Variants in CELA3B observed in about 807,000 individuals in gnomAD.
CELA3B encodes the protein chymotrypsin like elastase 3B, also known as chymotrypsin-like elastase family member 3B.
CELA3B carries 34 observed loss-of-function variants against 37.2 expected under a neutral mutation model. That is an observed-to-expected ratio of 0.91 (90% CI 0.70 to 1.22). CELA3B has a LOEUF of 1.22. Ranked by LOEUF, CELA3B falls within the 50% of genes most tolerant of loss-of-function variation. CELA3B has a pLI of 0.00. For missense variants in CELA3B, 340 were observed against 363.1 expected (o/e 0.94, Z 0.52); for synonymous variants, 127 against 143.5 (o/e 0.89, Z 0.82).
chr1:21,983,166 A>G (rs1369666897), intron 4 of CELA3B, among the ~76,000 whole-genome samples: 1 of 152,136 alleles, frequency 6.6e-6, no homozygotes, highest in African/African-American at 2.4e-5. Flanking sequence ...CCTGGCCAAC[A>G]TGGCAAAACC....
At chr1:21,997,081 C>A (rs1250655838) in intron 4 of CELA3B, among the ~76,000 whole-genome samples, 1 of 151,122 alleles carries the variant, frequency 6.6e-6, no homozygotes, top group Non-Finnish European at 1.5e-5. Flanking sequence ...AAAGTCCCGC[C>A]GGGCGTGGTG....
chr1:21,984,421 G>T, intron 6 of CELA3B, 90 bp downstream of exon 6: 2 of 1,529,372 alleles, frequency 1.3e-6, no homozygotes, highest in Non-Finnish European at 8.8e-7. Flanking sequence ...GAAGGATCTT[G>T]CCTGCTTGCC....
intron 2 of CELA3B, among the ~76,000 whole-genome samples, chr1:21,978,964 T>A (rs1411381895): frequency 2.0e-5 from 3 of 151,376 alleles, no homozygotes; most frequent in Admixed American, 1.3e-4. Context: ...GGAGAATCCC[T>A]TGGACCCAGG....
intron 7 of CELA3B, chr1:21,986,993 G>A (rs1644842508): frequency 7.4e-6 from 3 of 405,964 alleles, no homozygotes; most frequent in Non-Finnish European, 1.5e-5. Flanking sequence ...CAGACAAGAG[G>A]CTGCCTGGTG....
Position 21,983,982 on chromosome 1 carries a change from G to T in CELA3B, c.499+152G>T, listed in dbSNP as rs1304569367. Reference sequence around the variant, plus strand: ...CTTCTCCCACCAACCTCCAAAACACGAATGTGGTCAATTGCACATGTTTTG... The same window carrying T: ...CTTCTCCCACCAACCTCCAAAACACTAATGTGGTCAATTGCACATGTTTTG... On this transcript the variant is annotated intron_variant, in intron 5 of 7. Coordinates refer to ENST00000337107, the MANE Select transcript of CELA3B (RefSeq NM_007352.4). The T allele has an allele frequency of 1.6e-5, 22 of 1,416,848 alleles. No homozygotes were observed. The East Asian group carries it at 5.1e-4, about 33-fold the overall frequency. The allele number at this position is 1,416,848 out of a possible 1,614,324, so 87.8% of individuals were successfully genotyped here.
intron 1 of CELA3B, among the ~76,000 whole-genome samples, chr1:21,977,592 T>C (rs1326082854): frequency 6.6e-6 from 1 of 152,242 alleles, no homozygotes; most frequent in African/African-American, 2.4e-5. Context: ...TTTAGGGTTT[T>C]CCTTATACTT....
At chr1:21,994,593 C>T (rs909878925) in intron 4 of CELA3B, among the ~76,000 whole-genome samples, 4 of 151,072 alleles carry the variant, frequency 2.6e-5, no homozygotes, top group African/African-American at 9.8e-5. Flanking sequence ...AAGCCAGCAG[C>T]CGGTGTGGGG....
At chr1:21,983,999 CAT>C (rs1354148410) in intron 5 of CELA3B, among the ~76,000 whole-genome samples, 169 bp downstream of exon 5, 2 of 152,236 alleles carry the variant, frequency 1.3e-5, no homozygotes, top group South Asian at 2.1e-4. Context: ...GTCAATTGCA[CAT>C]GTTTTGGTAC....
At chr1:21,988,119 G>A (rs1448683572) in intron 7 of CELA3B, among the ~76,000 whole-genome samples, 1 of 151,510 alleles carries the variant, frequency 6.6e-6, no homozygotes, top group East Asian at 1.9e-4. Context: ...GGCTGAGGCA[G>A]GAGAACTGCT....
At position 21,980,174 on chromosome 1, in the gene CELA3B, G is replaced by C. The variant is rs557576040; in HGVS notation, c.130-650G>C. The stretch of plus-strand genomic sequence containing the variant: ...AGAAGGCTCAAGAGGCCTTGAAAGA[G>C]CTGAGGTTCAAAAGAGTCAGGGGGG... On this transcript the variant is annotated intron_variant, in intron 2 of 7. Transcript: ENST00000337107. Among the ~76,000 whole-genome samples the C allele has an allele frequency of 2.6e-3, 343 of 130,632 alleles. 2 individuals are homozygous for C. The highest frequency in any genetic ancestry group is 2.9e-3 in the Non-Finnish European group (175 of 61,038). The allele number at this position is 130,632 out of a possible 152,430, so 85.7% of individuals were successfully genotyped here.
intron 6 of CELA3B, among the ~76,000 whole-genome samples, chr1:21,984,909 T>G (rs1203034932): frequency 2.6e-5 from 4 of 151,728 alleles, no homozygotes; most frequent in Non-Finnish European, 4.4e-5. Flanking sequence ...ATCGCACCAT[T>G]GCACTCCAGG....
downstream of CELA3B, among the ~76,000 whole-genome samples, chr1:21,993,051 A>G (rs559172173): frequency 1.3e-5 from 2 of 151,426 alleles, no homozygotes; most frequent in African/African-American, 2.4e-5. Flanking sequence ...CTGATACCAC[A>G]TCACAATATC....
chr1:21,994,308 T>A (rs12404110), downstream of CELA3B, among the ~76,000 whole-genome samples: 1 of 150,492 alleles, frequency 6.6e-6, no homozygotes, highest in Non-Finnish European at 1.5e-5. Context: ...CTTCCTCCAC[T>A]GCTCCCACCA....
At chr1:21,982,098 G>A (rs573514357) in intron 4 of CELA3B, among the ~76,000 whole-genome samples, 4 of 152,154 alleles carry the variant, frequency 2.6e-5, no homozygotes, top group East Asian at 1.9e-4. Context: ...GGTCAAAGAC[G>A]GGTGCAGAAC....
intron 4 of CELA3B, among the ~76,000 whole-genome samples, chr1:21,983,034 G>A (rs908098626): frequency 6.6e-6 from 1 of 152,154 alleles, no homozygotes; most frequent in East Asian, 1.9e-4. Context: ...GTGACCCAAG[G>A]GACTAGAAGG....
In CELA3B at chr1:21,989,287, G is replaced by T; in HGVS notation, c.*8G>T. On this transcript the variant is annotated 3_prime_UTR_variant, in exon 8 of 8. Coordinates refer to ENST00000337107, the MANE Select transcript of CELA3B (RefSeq NM_007352.4). Reference sequence around the variant, plus strand: ...ACCATAGCAAGCCACTAGAACCAAGGCCCAGCTGGCAGTGCTGATCGATCC... The same window carrying T: ...ACCATAGCAAGCCACTAGAACCAAGTCCCAGCTGGCAGTGCTGATCGATCC... 2 of 1,550,856 alleles carry T rather than the reference G, an allele frequency of 1.3e-6. No homozygotes were observed. The highest frequency in any genetic ancestry group is 1.8e-6 in the Non-Finnish European group (2 of 1,130,526).
intron 4 of CELA3B, among the ~76,000 whole-genome samples, chr1:21,995,144 C>CTTTTTTTTT: frequency 1.2e-5 from 1 of 84,948 alleles, no homozygotes; most frequent in Non-Finnish European, 2.1e-5. Flanking sequence ...TCTTTTCTTT[C>CTTTTTTTTT]TTTTTTTTTT....
At chr1:21,985,754 G>A (rs1644835118) in intron 6 of CELA3B, among the ~76,000 whole-genome samples, 1 of 152,060 alleles carries the variant, frequency 6.6e-6, no homozygotes, top group African/African-American at 2.4e-5. Flanking sequence ...AGCCTGGCAT[G>A]GTGGTGGGCG....
chr1:21,986,743 G>A, intron 7 of CELA3B, 60 bp downstream of exon 7: 2 of 1,558,296 alleles, frequency 1.3e-6, no homozygotes, highest in South Asian at 1.2e-5. Flanking sequence ...AGAGGTGACA[G>A]GTGAGAAACA....
Sources: allele counts gnomAD v4.1 joint callset (sites outside exome capture counted in the v4.1 genomes callset), GRCh38; gene constraint gnomAD v4.1.1; transcripts MANE v1.5; gene names NCBI Gene and HGNC (gene_info 2026-07-23, HGNC 2026-07-21).